Variants in NRXN1 observed in about 807,000 individuals in gnomAD.
The protein encoded by NRXN1 is neurexin-1.
NRXN1 carries 39 observed loss-of-function variants against 150.9 expected under a neutral mutation model. That is an observed-to-expected ratio of 0.26 (90% confidence interval 0.20 to 0.34). The LOEUF (loss-of-function observed/expected upper bound fraction) is 0.34, where lower values mean the gene tolerates loss of function less well. Ranked by LOEUF, NRXN1 falls within the 10% of genes least tolerant of loss-of-function variation. NRXN1 has a pLI of 1.00. For synonymous variants in NRXN1, 924 were observed against 757.0 expected, an observed-to-expected ratio of 1.22 and a Z score of -3.62; for missense variants, 1,815 against 1,949.9, an observed-to-expected ratio of 0.93 and a Z score of 1.30.
At chr2:50,325,708 T>C (rs1171732334) in intron 17 of NRXN1, among the ~76,000 whole-genome samples, 1 of 152,220 alleles carries the variant, frequency 6.6e-6, no homozygotes, top group African/African-American at 2.4e-5. Flanking sequence ...AGAAACAGAA[T>C]AGCCTTGTCT....
chr2:50,359,766 G>C (rs558952774), intron 17 of NRXN1, among the ~76,000 whole-genome samples: 1 of 151,972 alleles, frequency 6.6e-6, no homozygotes, highest in African/African-American at 2.4e-5. Context: ...ACACCACAAA[G>C]ATACTCCTCA....
intron 18 of NRXN1, among the ~76,000 whole-genome samples, chr2:50,106,538 G>A (rs1410459880): frequency 6.6e-6 from 1 of 151,940 alleles, no homozygotes; most frequent in African/African-American, 2.4e-5. Context: ...CTTAATGACA[G>A]GTGACTAAGA....
chr2:50,569,031 T>A (rs1188834579), intron 8 of NRXN1, among the ~76,000 whole-genome samples: 2 of 152,070 alleles, frequency 1.3e-5, no homozygotes, highest in Non-Finnish European at 2.9e-5. Context: ...TTAAGTGAAA[T>A]AAGCCAGGCA....
At chr2:50,562,680 C>T (rs1159735335) in intron 8 of NRXN1, among the ~76,000 whole-genome samples, 2 of 152,096 alleles carry the variant, frequency 1.3e-5, no homozygotes, top group African/African-American at 4.8e-5. Context: ...TTTGAACCAG[C>T]ACATTTTTTT....
chr2:50,340,720 A>G (rs1010245147), intron 17 of NRXN1, among the ~76,000 whole-genome samples: 8 of 152,202 alleles, frequency 5.3e-5, no homozygotes, highest in Admixed American at 1.3e-4. Context: ...ATTTAAAAAA[A>G]AGAGAGAGAG....
In NRXN1 at chr2:49,919,104, A is replaced by G. The variant is rs1667773682; in HGVS notation, c.*2840T>C. 1 of 152,138 alleles carries G rather than the reference A, an allele frequency of 6.6e-6. No homozygotes were observed. The highest frequency in any genetic ancestry group is 2.1e-4 in the South Asian group (1 of 4,838). The allele number at this position is 152,138 out of a possible 1,614,324, so 9.4% of individuals were successfully genotyped here. Reference sequence around the variant, plus strand: ...TTTGTTCTTTTAAAAAAGGCAACACATTACATGGATAAAAAAGAAGCATAA... The same window carrying G: ...TTTGTTCTTTTAAAAAAGGCAACACGTTACATGGATAAAAAAGAAGCATAA... On this transcript the variant is annotated 3_prime_UTR_variant, in exon 23 of 23. Transcript: ENST00000401669.
At chr2:50,528,468 A>G (rs531736665) in intron 12 of NRXN1, among the ~76,000 whole-genome samples, 157 bp downstream of exon 12, 2 of 152,282 alleles carry the variant, frequency 1.3e-5, no homozygotes, top group South Asian at 4.2e-4. Context: ...AAATTTAAAA[A>G]TGAATTTTTA....
chr2:49,974,009 G>C, intron 21 of NRXN1: 1 of 717,352 alleles, frequency 1.4e-6, no homozygotes, highest in Non-Finnish European at 2.6e-6. Flanking sequence ...ATGTCTGTCT[G>C]GCTACCCTGC....
At chr2:50,861,217 C>T (rs968592920) in intron 5 of NRXN1, among the ~76,000 whole-genome samples, 5 of 151,876 alleles carry the variant, frequency 3.3e-5, no homozygotes, top group African/African-American at 9.7e-5. Context: ...CAAGGAAGTG[C>T]AGATCTTATT....
At chr2:50,243,002 G>A (rs2066163284) in intron 17 of NRXN1, among the ~76,000 whole-genome samples, 1 of 151,684 alleles carries the variant, frequency 6.6e-6, no homozygotes, top group South Asian at 2.1e-4. Flanking sequence ...AATAATGAAA[G>A]CTTTATGGAA....
chr2:50,796,902 C>T (rs1432877344), intron 5 of NRXN1, among the ~76,000 whole-genome samples: 3 of 152,256 alleles, frequency 2.0e-5, no homozygotes, highest in Admixed American at 1.3e-4. Context: ...GATCAAGGCA[C>T]CAGCAAAGTT....
At chr2:50,600,979 T>C (rs1331479163) in intron 8 of NRXN1, among the ~76,000 whole-genome samples, 1 of 152,150 alleles carries the variant, frequency 6.6e-6, no homozygotes, top group African/African-American at 2.4e-5. Flanking sequence ...TTGGGTTATG[T>C]TGTAGATGCT....
Position 50,091,401 on chromosome 2 carries a change from C to A in NRXN1, c.3640G>T (p.Val1214Leu), listed in dbSNP as rs752722196. ...NAIINDGKYH[V>L]VRFTRSGGNA... ...CCACCACTCCTCGTGAAACGAACTACATGGTATTTCCCATCATTAATGATT... is the reference window on the plus strand; with the variant it reads ...CCACCACTCCTCGTGAAACGAACTAAATGGTATTTCCCATCATTAATGATT... The change falls in exon 19 of 23, where the codon GTA becomes TTA. Residue 1214 changes from valine to leucine, a missense_variant. Coordinates refer to ENST00000401669, the MANE Select transcript of NRXN1 (RefSeq NM_001330078.2). 8 of 1,614,234 alleles carry A rather than the reference C, an allele frequency of 5.0e-6. No homozygotes were observed. Among genetic ancestry groups the A allele is most frequent in the Non-Finnish European group, 6.8e-6 (8 of 1,180,044 alleles).
intron 5 of NRXN1, among the ~76,000 whole-genome samples, chr2:50,827,486 T>A (rs1221994027): frequency 6.6e-6 from 1 of 152,178 alleles, no homozygotes; most frequent in Non-Finnish European, 1.5e-5. Flanking sequence ...CTGGCTATAA[T>A]AGTAAAAAAT....
intron 21 of NRXN1, among the ~76,000 whole-genome samples, chr2:50,029,168 C>G (rs77882116): frequency 0.023 from 3,480 of 152,222 alleles, 122 homozygotes; most frequent in African/African-American, 0.079. Context: ...ATGTGAGAGA[C>G]AACACAGCTA....
intron 17 of NRXN1, among the ~76,000 whole-genome samples, chr2:50,450,438 GAAA>G (rs10568240): frequency 2.3e-4 from 33 of 143,098 alleles, no homozygotes; most frequent in South Asian, 6.6e-4. Context: ...GAGCAAAACA[GAAA>G]AAAAAAAAAA....
intron 2 of NRXN1, among the ~76,000 whole-genome samples, chr2:51,024,315 T>C (rs1022287597): frequency 6.6e-6 from 1 of 152,160 alleles, no homozygotes; most frequent in African/African-American, 2.4e-5. Context: ...TCAAAGAACA[T>C]AAGTGATGCA....
intron 9 of NRXN1, among the ~76,000 whole-genome samples, chr2:50,538,965 C>T (rs886434548): frequency 3.3e-5 from 5 of 152,240 alleles, no homozygotes; most frequent in Non-Finnish European, 7.4e-5. Flanking sequence ...AATTCTGTAT[C>T]AGTCTCTAGA....
Position 49,937,773 on chromosome 2 carries a change from G to A in NRXN1, c.4216+5931C>T, listed in dbSNP as rs537116666. Among the ~76,000 whole-genome samples the A allele has an allele frequency of 5.3e-5, 8 of 152,076 alleles. No individual in the cohort carries two copies. The South Asian group carries it at 1.5e-3, about 28-fold the overall frequency. On this transcript the variant is annotated intron_variant, in intron 22 of 22. Transcript: ENST00000401669. ...TTGACAGCAATGTGTTGGCTATTAC[G>A]GACTAATTAAAGTCACTTTTGAATA...
Sources: allele counts gnomAD v4.1 joint callset (sites outside exome capture counted in the v4.1 genomes callset), GRCh38; gene constraint gnomAD v4.1.1; transcripts MANE v1.5; gene names NCBI Gene and HGNC (gene_info 2026-07-23, HGNC 2026-07-21).